VIRMA: variants seen among roughly 807,000 people sequenced by gnomAD.
VIRMA encodes vir like m6A methyltransferase associated, also known as protein virilizer homolog.
Under a neutral mutation model 182.4 loss-of-function variants are expected in VIRMA, and 65 were observed. That is an observed-to-expected ratio of 0.36 (90% confidence interval 0.29 to 0.44). VIRMA has a LOEUF of 0.44. VIRMA is among the 20% of genes least tolerant of loss of function. The pLI, the probability that VIRMA is intolerant of heterozygous loss-of-function variation, is 1.00. For synonymous variants in VIRMA, 709 were observed against 743.1 expected (o/e 0.95, Z 0.75); for missense variants, 1,752 against 2,158.1 (o/e 0.81, Z 3.73).
intron 16 of VIRMA, among the ~76,000 whole-genome samples, chr8:94,502,490 C>T (rs13439558): frequency 0.04 from 6,037 of 151,424 alleles, 132 homozygotes; most frequent in Middle Eastern, 0.051. Context: ...AAATATGTAT[C>T]TGTTTTATGT....
At chr8:94,543,002 A>C (rs969595236) in intron 2 of VIRMA, among the ~76,000 whole-genome samples, 4 of 151,946 alleles carry the variant, frequency 2.6e-5, no homozygotes, top group Admixed American at 6.6e-5. Context: ...TCCGCCTCCC[A>C]GGTTCAAGCG....
intron 10 of VIRMA, among the ~76,000 whole-genome samples, chr8:94,515,843 A>C (rs963347414): frequency 5.3e-5 from 8 of 151,968 alleles, no homozygotes; most frequent in African/African-American, 1.9e-4. Context: ...CACGCCTGTA[A>C]TACCAGCACT....
At chr8:94,494,723 G>A in intron 20 of VIRMA, 137 bp downstream of exon 20, 1 of 550,510 alleles carries the variant, frequency 1.8e-6, no homozygotes, top group Non-Finnish European at 3.1e-6. Context: ...TGGGCAAGTG[G>A]CATAAAAATA....
At position 94,538,280 on chromosome 8, in the gene VIRMA, A is replaced by T. The variant is rs373879316; in HGVS notation, c.246T>A (p.Pro82=). ...CATACCTTCCCAACCTATCGAAAAC[A>T]GGGGCACTTGGTTTGCTTACATTGT... is the stretch of plus-strand genomic sequence containing the variant. ...FFNNVSKPSA[P]VFDRLGSLEY... Residue 82 remains proline, a synonymous_variant, in exon 3 of 24, where the codon CCT becomes CCA. Transcript: ENST00000297591. 1.2e-5 allele frequency: 20 copies of T among 1,612,670 alleles called. No individual in the cohort carries two copies. In the African/African-American group the frequency reaches 2.0e-4, roughly 16 times the overall value.
intron 1 of VIRMA, among the ~76,000 whole-genome samples, chr8:94,550,844 G>C (rs578103455): frequency 6.6e-6 from 1 of 152,034 alleles, no homozygotes; most frequent in Non-Finnish European, 1.5e-5. Context: ...TCAGCCTTCC[G>C]AGTAGCTGGG....
Position 94,512,030 on chromosome 8 carries a change from G to A in VIRMA, c.2811C>T (p.Leu937=). 3 of 1,535,114 alleles carry A rather than the reference G, an allele frequency of 2.0e-6. No homozygotes were observed. Among genetic ancestry groups the A allele is most frequent in the Non-Finnish European group, 2.6e-6 (3 of 1,140,928 alleles). ...GVGLTTALRV[L]CNVACPPPPV... ...GAGGTGGTGGGCATGCAACATTACA[G>A]AGAACACGTAAGGCAGTGGTAAGGC... The change falls in exon 12 of 24, where the codon CTC becomes CTT. Residue 937 remains leucine (L), a synonymous_variant. Transcript: ENST00000297591.
chr8:94,529,062 T>A lies in VIRMA; in HGVS notation c.880+8A>T, dbSNP rs1210510061. The A allele has an allele frequency of 6.2e-7, 1 of 1,611,820 alleles. No homozygotes were observed. Among genetic ancestry groups the A allele is most frequent in the African/African-American group, 1.3e-5 (1 of 74,916 alleles). ...TTAAACCCCAAAGTCCTAGCTAACA[T>A]AACCCACCTTCACCTTCTTCATCCT... On this transcript the variant is annotated splice_region_variant and intron_variant, in intron 7 of 23. Coordinates refer to ENST00000297591, the MANE Select transcript of VIRMA (RefSeq NM_015496.5).
At chr8:94,543,788 T>G in intron 2 of VIRMA, 39 bp downstream of exon 2, 1 of 1,161,744 alleles carries the variant, frequency 8.6e-7, no homozygotes. Context: ...TAAGACAATC[T>G]TTAACCAAAA....
intron 20 of VIRMA, 106 bp from the exon 21 acceptor site, chr8:94,492,924 G>T (rs1352611264): frequency 5.4e-6 from 5 of 933,098 alleles, no homozygotes; most frequent in Non-Finnish European, 7.8e-6. Flanking sequence ...CCTCTCATAA[G>T]AAATAAATTA....
chr8:94,507,678 C>G (rs1159641347), intron 15 of VIRMA, among the ~76,000 whole-genome samples: 8 of 151,742 alleles, frequency 5.3e-5, no homozygotes, highest in African/African-American at 1.7e-4. Context: ...CACTTGAACC[C>G]AGGAGGCGGA....
intron 21 of VIRMA, among the ~76,000 whole-genome samples, chr8:94,492,243 G>A (rs1033414247): frequency 2.0e-5 from 3 of 150,738 alleles, no homozygotes; most frequent in South Asian, 2.1e-4. Context: ...TTCATGATTC[G>A]AATGCTATGT....
chr8:94,494,630 A>G (rs1358728201), intron 20 of VIRMA, among the ~76,000 whole-genome samples: 2 of 150,558 alleles, frequency 1.3e-5, no homozygotes, highest in Non-Finnish European at 3.0e-5. Context: ...AAATTAGCAA[A>G]AAAGTCACAA....
intron 8 of VIRMA, among the ~76,000 whole-genome samples, chr8:94,525,744 T>C (rs1356661616): frequency 6.6e-6 from 1 of 152,176 alleles, no homozygotes; most frequent in Non-Finnish European, 1.5e-5. Flanking sequence ...TATCAACAGA[T>C]GAGAGAGGTA....
At chr8:94,538,520 C>T (rs1045553366) in intron 2 of VIRMA, among the ~76,000 whole-genome samples, 174 bp from the exon 3 acceptor site, 2 of 152,162 alleles carry the variant, frequency 1.3e-5, no homozygotes, top group African/African-American at 4.8e-5. Context: ...ATTTTATTCA[C>T]ATCCAATCTC....
At chr8:94,542,148 G>GC (rs1236817285) in intron 2 of VIRMA, among the ~76,000 whole-genome samples, 1 of 152,098 alleles carries the variant, frequency 6.6e-6, no homozygotes, top group African/African-American at 2.4e-5. Context: ...CCCTATGTAG[G>GC]CCCCTCCCAC....
In VIRMA at chr8:94,526,648, T is replaced by C. The variant is rs750555018; in HGVS notation, c.1596A>G (p.Gln532=). 6 of 1,614,032 alleles carry C rather than the reference T, an allele frequency of 3.7e-6. No individual in the cohort carries two copies. Among genetic ancestry groups the C allele is most frequent in the South Asian group, 2.2e-5 (2 of 91,080 alleles). ...CTAAAAGTATGAGTTCCAGAAGCTT[T>C]TGATAACCACTTTTTTCATTCTGCC... ...RGRQNEKSGY[Q]KLLELILLDQ... Residue 532 remains glutamine (Q), a synonymous_variant, in exon 8 of 24, where the codon CAA becomes CAG. Transcript: ENST00000297591.
chr8:94,504,293 C>A (rs1563459756), intron 16 of VIRMA, among the ~76,000 whole-genome samples: 1 of 152,006 alleles, frequency 6.6e-6, no homozygotes, highest in Non-Finnish European at 1.5e-5. Context: ...CATTCTGTAC[C>A]CCCATTACCT....
intron 5 of VIRMA, among the ~76,000 whole-genome samples, chr8:94,532,362 C>T (rs1815200714): frequency 6.6e-6 from 1 of 152,234 alleles, no homozygotes; most frequent in African/African-American, 2.4e-5. Flanking sequence ...CCGCCTCGGC[C>T]TCCCAAAGTG....
chr8:94,518,165 G>C (rs112100150), intron 9 of VIRMA, among the ~76,000 whole-genome samples: 278 of 152,248 alleles, frequency 1.8e-3, no homozygotes, highest in African/African-American at 6.4e-3. Context: ...TATCACCATG[G>C]AAAGTAAAAT....
Sources: allele counts gnomAD v4.1 joint callset (sites outside exome capture counted in the v4.1 genomes callset), GRCh38; gene constraint gnomAD v4.1.1; transcripts MANE v1.5; gene names NCBI Gene and HGNC (gene_info 2026-07-23, HGNC 2026-07-21).